The following RBFOX1 variants were observed in gnomAD, a reference collection of about 807,000 sequenced individuals.
The protein encoded by RBFOX1 is RNA binding protein fox-1 homolog 1.
Under a neutral mutation model 57.7 loss-of-function variants are expected in RBFOX1, and 8 were observed. The observed-to-expected ratio is 0.14, with a 90% CI of 0.08 to 0.25. RBFOX1 has a LOEUF of 0.25. Ranked by LOEUF, RBFOX1 falls within the 10% of genes least tolerant of loss-of-function variation. RBFOX1 has a pLI of 1.00. For synonymous variants in RBFOX1, 326 were observed against 222.4 expected (o/e 1.47, Z -4.15); for missense variants, 611 against 548.5 (o/e 1.11, Z -1.14).
intron 3 of RBFOX1, among the ~76,000 whole-genome samples, chr16:6,768,081 G>T (rs1163535227): frequency 6.6e-6 from 1 of 151,562 alleles, no homozygotes; most frequent in East Asian, 1.9e-4. Flanking sequence ...TTATTTAGCT[G>T]GAAATATGAA....
At chr16:6,773,414 T>C (rs945651898) in intron 3 of RBFOX1, among the ~76,000 whole-genome samples, 1 of 148,548 alleles carries the variant, frequency 6.7e-6, no homozygotes, top group Admixed American at 6.7e-5. Flanking sequence ...TCTATGTGTA[T>C]GTGTGGGAGT....
chr16:6,115,372 A>C (rs1365188763), intron 1 of RBFOX1, among the ~76,000 whole-genome samples: 1 of 152,158 alleles, frequency 6.6e-6, no homozygotes, highest in Non-Finnish European at 1.5e-5. Context: ...TTTCCAGAGA[A>C]AAGGCAAAAA....
chr16:5,775,478 G>C (rs557106912), intron 3 of RBFOX1, among the ~76,000 whole-genome samples: 4 of 152,326 alleles, frequency 2.6e-5, no homozygotes, highest in African/African-American at 9.6e-5. Flanking sequence ...ACACCTATGT[G>C]TTCAAAATGT....
intron 5 of RBFOX1, among the ~76,000 whole-genome samples, chr16:7,558,103 C>A (rs1266695428): frequency 6.6e-6 from 1 of 152,050 alleles, no homozygotes; most frequent in African/African-American, 2.4e-5. Flanking sequence ...GCCTGTAATT[C>A]CAGCACTTTG....
At chr16:7,412,022 G>A (rs1056825984) in intron 4 of RBFOX1, among the ~76,000 whole-genome samples, 1 of 151,840 alleles carries the variant, frequency 6.6e-6, no homozygotes, top group African/African-American at 2.4e-5. Context: ...TCCTGGAGCC[G>A]AAAAAGGACA....
In RBFOX1 at chr16:7,302,083, C is replaced by T. The variant is rs894033554; in HGVS notation, c.28-216064C>T. Among the ~76,000 whole-genome samples the T allele has an allele frequency of 1.1e-4, 17 of 152,252 alleles. No individual in the cohort carries two copies. The Middle Eastern group carries it at 0.01, about 91-fold the overall frequency. On this transcript the variant is annotated intron_variant, in intron 4 of 15. Coordinates refer to ENST00000550418, the MANE Select transcript of RBFOX1 (RefSeq NM_018723.4). The stretch of plus-strand genomic sequence containing the variant: ...CAATAAAAGCAGTACAGAATAGCAG[C>T]CTCTACTTTCCCACTCCCCTGGATG...
intron 4 of RBFOX1, among the ~76,000 whole-genome samples, chr16:7,109,776 A>C (rs779586600): frequency 6.6e-6 from 1 of 152,144 alleles, no homozygotes; most frequent in Non-Finnish European, 1.5e-5. Flanking sequence ...GAGCAATTTC[A>C]TTCACTCGTT....
chr16:7,320,205 C>A (rs540957732), intron 4 of RBFOX1, among the ~76,000 whole-genome samples: 1 of 152,096 alleles, frequency 6.6e-6, no homozygotes, highest in African/African-American at 2.4e-5. Flanking sequence ...TGTTCATCAG[C>A]TATTTATCCT....
intron 2 of RBFOX1, among the ~76,000 whole-genome samples, chr16:6,379,942 G>T (rs1017073727): frequency 6.6e-6 from 1 of 152,170 alleles, no homozygotes; most frequent in Non-Finnish European, 1.5e-5. Flanking sequence ...TCAGGAGAGG[G>T]GGTGTCCACA....
intron 2 of RBFOX1, among the ~76,000 whole-genome samples, chr16:6,403,504 C>T (rs966227018): frequency 6.6e-6 from 1 of 152,026 alleles, no homozygotes; most frequent in Non-Finnish European, 1.5e-5. Flanking sequence ...GCTGGGACTA[C>T]AGGCGAGTGC....
At chr16:6,855,568 G>A (rs149914255) in intron 3 of RBFOX1, among the ~76,000 whole-genome samples, 1,569 of 151,322 alleles carry the variant, frequency 0.01, 36 homozygotes, top group African/African-American at 0.037. Context: ...CAGGAGAATG[G>A]CGTGAACCCG....
chr16:6,388,090 C>T (rs1226407173), intron 2 of RBFOX1, among the ~76,000 whole-genome samples: 1 of 141,224 alleles, frequency 7.1e-6, no homozygotes, highest in African/African-American at 2.7e-5. Context: ...AGCGATTCTT[C>T]TGCCTCAGCC....
At chr16:5,300,842 T>C (rs1025293495) in intron 1 of RBFOX1, among the ~76,000 whole-genome samples, 2 of 152,224 alleles carry the variant, frequency 1.3e-5, no homozygotes, top group Admixed American at 6.5e-5. Flanking sequence ...ATTTTGTCTG[T>C]TTTATTATTC....
chr16:6,748,802 T>A (rs972151684), intron 3 of RBFOX1: 5 of 152,164 alleles, frequency 3.3e-5, no homozygotes, highest in African/African-American at 1.2e-4. Context: ...TATCTTTACC[T>A]TTCATTCTAT....
intron 1 of RBFOX1, among the ~76,000 whole-genome samples, chr16:6,049,170 T>A (rs957207052): frequency 6.6e-6 from 1 of 151,504 alleles, no homozygotes; most frequent in Non-Finnish European, 1.5e-5. Context: ...TTCAAGTGAT[T>A]CTCCTGCCTC....
At chr16:7,417,541 TG>T (rs1411622624) in intron 4 of RBFOX1, among the ~76,000 whole-genome samples, 13 of 151,938 alleles carry the variant, frequency 8.6e-5, no homozygotes, top group African/African-American at 2.4e-4. Context: ...TGTGTGTGTG[TG>T]TGTGTGTGTG....
chr16:6,134,999 C>G lies in RBFOX1; in HGVS notation c.-127+115007C>G, dbSNP rs368719799. Among the ~76,000 whole-genome samples, 10 of 152,298 alleles carry G rather than the reference C, an allele frequency of 6.6e-5. No individual in the cohort carries two copies. In the East Asian group the frequency reaches 1.5e-3, roughly 24 times the overall value. On this transcript the variant is annotated intron_variant, in intron 1 of 15. Transcript: ENST00000550418. ...TCCAACTGCTGTCCGTCCCCCCTCC[C>G]CTGACCCCACTACAGGCCCCGGTGT... is the stretch of plus-strand genomic sequence containing the variant.
chr16:6,786,755 A>G (rs1043897764), intron 3 of RBFOX1, among the ~76,000 whole-genome samples: 3 of 152,132 alleles, frequency 2.0e-5, no homozygotes, highest in African/African-American at 7.2e-5. Flanking sequence ...TGGAAATGAG[A>G]TACTTAAAGA....
chr16:6,599,064 A>G (rs904194912), intron 2 of RBFOX1, among the ~76,000 whole-genome samples: 4 of 152,242 alleles, frequency 2.6e-5, no homozygotes, highest in African/African-American at 9.6e-5. Flanking sequence ...GGAGGTGAGA[A>G]GATGAATGCT....
Sources: gnomAD v4.1 joint callset for allele counts (sites outside exome capture counted in the v4.1 genomes callset) on GRCh38, gnomAD v4.1.1 for gene constraint, MANE v1.5 for transcripts, NCBI Gene and HGNC (gene_info 2026-07-23, HGNC 2026-07-21) for gene names.